Variants in HJURP observed in about 807,000 individuals in gnomAD.
HJURP encodes the protein Holliday junction recognition protein, also known as 14-3-3-associated AKT substrate.
Under a neutral mutation model 72.0 loss-of-function variants are expected in HJURP, and 49 were observed. The observed-to-expected ratio is 0.68, with a 90% confidence interval of 0.54 to 0.86. The LOEUF is 0.86. Ranked by LOEUF, HJURP falls within the 40% of genes least tolerant of loss-of-function variation. The probability of loss-of-function intolerance (pLI) is 0.00; values close to 1 mark genes in which losing one functional copy is unlikely to be tolerated. For missense variants in HJURP, 908 were observed against 936.3 expected, an observed-to-expected ratio of 0.97 and a Z score of 0.39; for synonymous variants, 357 against 347.1, an observed-to-expected ratio of 1.03 and a Z score of -0.32.
chr2:233,843,000 C>T (rs1183525702), intron 7 of HJURP, among the ~76,000 whole-genome samples: 1 of 152,184 alleles, frequency 6.6e-6, no homozygotes, highest in Admixed American at 6.5e-5. Flanking sequence ...TCTGGGGTTA[C>T]TTGAGCGTCA....
At chr2:233,843,609 A>G (rs1287476292) in intron 7 of HJURP, among the ~76,000 whole-genome samples, 1 of 152,200 alleles carries the variant, frequency 6.6e-6, no homozygotes, top group African/African-American at 2.4e-5. Flanking sequence ...AGAAAATGCC[A>G]AGGAGCCGCT....
chr2:233,841,289 TAAAC>T lies in HJURP; in HGVS notation c.1487_1490del (p.Ser496LysfsTer8). The T allele has an allele frequency of 4.3e-6, 7 of 1,614,134 alleles. No homozygotes were observed. Among genetic ancestry groups the T allele is most frequent in the Non-Finnish European group, 5.9e-6 (7 of 1,179,968 alleles). ...TGCCTAGGTTTTCAAAAGCCTCACT[TAAAC>T]TTTTTGCTTTTGCTTTGCTGGAAGG... On this transcript the variant is annotated frameshift_variant, in exon 8 of 9. Transcript: ENST00000411486. LOFTEE classifies it high-confidence loss of function.
At chr2:233,852,918 T>C (rs996486493) in intron 2 of HJURP, among the ~76,000 whole-genome samples, 5 of 152,184 alleles carry the variant, frequency 3.3e-5, no homozygotes, top group Admixed American at 2.6e-4. Context: ...TTAAAATATA[T>C]AGAGGGCAAT....
rs200610282 is a variant in HJURP at position 233,853,861 on chromosome 2, G to A, written c.167C>T (p.Thr56Ile). The change falls in exon 2 of 9, where the codon ACC becomes ATC. Residue 56 changes from threonine (T) to isoleucine (I), a missense_variant. By Grantham distance (89) the Thr-to-Ile change is moderately conservative. Around this residue, in one of 3 missense-constraint regions of HJURP, gnomAD observed 299 missense variants for 286.7 expected, o/e 1.04. Coordinates refer to ENST00000411486, the MANE Select transcript of HJURP (RefSeq NM_018410.5). ...DTPVVQMATL[T>I]YETPQGLRIW... ...ACCCTTACCCTGTGGCGTCTCGTAG[G>A]TCAGCGTGGCCATTTGCACCACCGG... The A allele has an allele frequency of 1.2e-6, 2 of 1,614,018 alleles. No individual in the cohort carries two copies. Among genetic ancestry groups the A allele is most frequent in the African/African-American group, 1.3e-5 (1 of 75,026 alleles).
rs540562678 is a variant in HJURP at position 233,854,468 on chromosome 2, C to T, written c.33G>A (p.Glu11=). ...GCAGCAGCTGGTCGTCTTCCACGTC[C>T]TCGCCCTCCATGGCGCGCAGCGTAC... MLGTLRAMEG[E]DVEDDQLLQK... The change falls in exon 1 of 9, where the codon GAG becomes GAA. Residue 11 remains glutamate (E), a synonymous_variant. Transcript: ENST00000411486. 6 of 1,612,764 alleles carry T rather than the reference C, an allele frequency of 3.7e-6. No individual in the cohort carries two copies. In the East Asian group the frequency reaches 1.3e-4, roughly 36 times the overall value.
intron 5 of HJURP, among the ~76,000 whole-genome samples, 174 bp downstream of exon 5, chr2:233,847,223 G>A (rs1349651445): frequency 6.6e-6 from 1 of 152,170 alleles, no homozygotes; most frequent in East Asian, 1.9e-4. Flanking sequence ...CCTTACCGCT[G>A]AAGGGAATCG....
Position 233,837,491 on chromosome 2 carries a change from T to C in HJURP, c.*86A>G, listed in dbSNP as rs143574408. The C allele has an allele frequency of 5.6e-3, 5,108 of 904,268 alleles. 57 individuals are homozygous for C. The highest frequency in any genetic ancestry group is 0.015 in the South Asian group (1,097 of 72,240). 56.0% of individuals were successfully genotyped at this position (904,268 alleles called of 1,614,324 possible). A position where few individuals can be genotyped will look rare whatever the true frequency, so the allele number is the denominator to read the frequency against. On this transcript the variant is annotated 3_prime_UTR_variant, in exon 9 of 9. Transcript: ENST00000411486. ...TTTAAGGGCAGAGAAGTCAACCAAG[T>C]CCTCACAGTCTCAAGAATCAAAAAC...
In HJURP at chr2:233,846,091, G is replaced by A. The variant is rs370755497; in HGVS notation, c.403-271C>T. ...TGCTAGACCAGGAAAAAAAAAATCTGAATATTCATAGGTGAGTTCAGGACT... is the reference window on the plus strand; with the variant it reads ...TGCTAGACCAGGAAAAAAAAAATCTAAATATTCATAGGTGAGTTCAGGACT... On this transcript the variant is annotated intron_variant, in intron 5 of 8. Coordinates refer to ENST00000411486, the MANE Select transcript of HJURP (RefSeq NM_018410.5). This position sits in a 1 kb window ranked among gnomAD's most constrained non-coding sequence, Gnocchi z 4.3. The A allele has an allele frequency of 1.2e-4, 43 of 348,882 alleles. No individual in the cohort carries two copies. The highest frequency in any genetic ancestry group is 8.7e-5 in the Admixed American group (2 of 23,052). The allele number at this position is 348,882 out of a possible 1,614,324, so 21.6% of individuals were successfully genotyped here.
rs779139427 is a variant in HJURP, at chr2:233,841,732, T to G, written c.1048A>C (p.Lys350Gln). The G allele has an allele frequency of 1.2e-6, 2 of 1,614,100 alleles. No individual in the cohort carries two copies. The highest frequency in any genetic ancestry group is 1.7e-5 in the Admixed American group (1 of 60,004). Residue 350 changes from lysine to glutamine, a missense_variant, in exon 8 of 9, where the codon AAG (lysine) becomes CAG (glutamine). Lys to Gln is a moderately conservative substitution (Grantham distance 53). This residue lies in a region of HJURP where 598 missense variants were observed against 619.5 expected (regional missense o/e 0.97). Transcript: ENST00000411486. ...GCTTTTTCCAATTTTAAACCTGTCT[T>G]ACGGCAAGAAACATCTAATACGTTC... is the stretch of plus-strand genomic sequence containing the variant. The part of the protein sequence containing the change: ...CKNVLDVSCR[K>Q]TGLKLEKAFL...
chr2:233,854,254 A>C, intron 1 of HJURP, 130 bp downstream of exon 1: 1 of 633,838 alleles, frequency 1.6e-6, no homozygotes, highest in Non-Finnish European at 2.7e-6. Flanking sequence ...CTCCGCATCC[A>C]AGCCCCAGTC....
chr2:233,843,233 C>T (rs1301279784), intron 7 of HJURP, among the ~76,000 whole-genome samples: 2 of 152,130 alleles, frequency 1.3e-5, no homozygotes, highest in Admixed American at 6.5e-5. Context: ...GGGCGGGGAC[C>T]TCCACCCAGG....
At chr2:233,852,703 G>A in intron 2 of HJURP, 83 bp from the exon 3 acceptor site, 3 of 1,007,740 alleles carry the variant, frequency 3.0e-6, no homozygotes, top group South Asian at 2.8e-5. Context: ...AGATGCCAAA[G>A]TGACAGGCAA....
At chr2:233,838,173 G>A (rs1281855863) in intron 8 of HJURP, among the ~76,000 whole-genome samples, 6 of 152,154 alleles carry the variant, frequency 3.9e-5, no homozygotes, top group Non-Finnish European at 5.9e-5. Flanking sequence ...TCATTTAAGC[G>A]GGAAAAGCAG....
Position 233,844,253 on chromosome 2 carries a change from G to A in HJURP, c.526C>T (p.Arg176Cys), listed in dbSNP as rs777949889. 1.8e-5 allele frequency: 29 copies of A among 1,614,052 alleles called. No individual in the cohort carries two copies. In the East Asian group the frequency reaches 4.7e-4, roughly 26 times the overall value. The change falls in exon 7 of 9, where the codon CGT (arginine) becomes TGT (cysteine). Residue 176 changes from arginine (R) to cysteine (C), a missense_variant. Physicochemically the swap from Arg to Cys is radical, Grantham distance 180. Coordinates refer to ENST00000411486, the MANE Select transcript of HJURP (RefSeq NM_018410.5). ...CAGNRAGRDVRVTPLPSLASP... is the reference protein window; with the variant it reads ...CAGNRAGRDVCVTPLPSLASP... ...GCCAGTGAAGGCAGCGGAGTCACAC[G>A]TACATCCCTTCCAGCTCTGTTACCT... is the stretch of plus-strand genomic sequence containing the variant.
At position 233,841,823 on chromosome 2, in the gene HJURP, G is replaced by A. The variant is rs370122365; in HGVS notation, c.957C>T (p.Ser319=). 9 of 1,614,030 alleles carry A rather than the reference G, an allele frequency of 5.6e-6. No individual in the cohort carries two copies. The highest frequency in any genetic ancestry group is 1.3e-5 in the African/African-American group (1 of 74,916). The part of the protein sequence containing the change: ...YCKGARRSQR[S]SKENFIPCSE... ...AGCAGGGTATGAAGTTCTCCTTGGA[G>A]CTCCTCTGAGAACGTCTGGCTCCTT... The change falls in exon 8 of 9, where the codon AGC becomes AGT. Residue 319 remains serine (S), a synonymous_variant. Transcript: ENST00000411486.
intron 7 of HJURP, among the ~76,000 whole-genome samples, chr2:233,842,634 G>A (rs1243946459): frequency 2.6e-5 from 2 of 77,728 alleles, no homozygotes; most frequent in Non-Finnish European, 4.6e-5. Context: ...CCATAAAATT[G>A]AACACAAACA....
chr2:233,853,095 G>A (rs969376849), intron 2 of HJURP, among the ~76,000 whole-genome samples: 1 of 152,204 alleles, frequency 6.6e-6, no homozygotes, highest in Admixed American at 6.5e-5. Context: ...TTTCACCCAA[G>A]ATGTGTCTGG....
intron 7 of HJURP, among the ~76,000 whole-genome samples, chr2:233,842,993 G>A (rs1705269686): frequency 6.6e-6 from 1 of 152,196 alleles, no homozygotes; most frequent in African/African-American, 2.4e-5. Context: ...AGCTAAATCT[G>A]GGGTTACTTG....
intron 7 of HJURP, among the ~76,000 whole-genome samples, chr2:233,843,875 T>A (rs1390905019): frequency 6.6e-6 from 1 of 152,190 alleles, no homozygotes; most frequent in East Asian, 1.9e-4. Context: ...TGTGTGCACG[T>A]GTGTGGCAGG....
Sources: gnomAD v4.1 joint callset for allele counts (sites outside exome capture counted in the v4.1 genomes callset) on GRCh38, gnomAD v4.1.1 for gene constraint, gnomAD v4.1.1 regional missense constraint, Gnocchi (gnomAD v3.1) non-coding constraint, MANE v1.5 for transcripts, NCBI Gene and HGNC (gene_info 2026-07-23, HGNC 2026-07-21) for gene names.